Variants in FHIP1A observed in about 807,000 individuals in gnomAD.
FHIP1A encodes FHF complex subunit HOOK-interacting protein 1A.
FHIP1A carries 61 observed loss-of-function variants against 88.6 expected under a neutral mutation model. The observed-to-expected ratio is 0.69, with a 90% CI of 0.56 to 0.85. The LOEUF (loss-of-function observed/expected upper bound fraction) is 0.85, where lower values mean the gene tolerates loss of function less well. Ranked by LOEUF, FHIP1A falls within the 40% of genes least tolerant of loss-of-function variation. The probability of loss-of-function intolerance (pLI) is 0.00; values close to 1 mark genes in which losing one functional copy is unlikely to be tolerated. For synonymous variants in FHIP1A, 478 were observed against 496.0 expected, an observed-to-expected ratio of 0.96 and a Z score of 0.48; for missense variants, 1,154 against 1,273.5, an observed-to-expected ratio of 0.91 and a Z score of 1.43.
intron 3 of FHIP1A, among the ~76,000 whole-genome samples, chr4:151,537,120 C>T (rs916217597): frequency 2.0e-5 from 3 of 152,040 alleles, no homozygotes; most frequent in Non-Finnish European, 2.9e-5. Context: ...TTATGTGATC[C>T]TCCCTCCTCA....
intron 3 of FHIP1A, among the ~76,000 whole-genome samples, chr4:151,551,487 T>C (rs983893151): frequency 6.6e-6 from 1 of 152,094 alleles, no homozygotes; most frequent in Non-Finnish European, 1.5e-5. Context: ...AAAACAGAGA[T>C]ATAGACCAAT....
rs1737715494 is a variant in FHIP1A at position 151,667,721 on chromosome 4, G to A, written c.*4967G>A. 6.6e-6 allele frequency among the ~76,000 whole-genome samples: 1 copy of A among 152,048 alleles called. No individual in the cohort carries two copies. Among genetic ancestry groups the A allele is most frequent in the Non-Finnish European group, 1.5e-5 (1 of 68,010 alleles). On this transcript the variant is annotated 3_prime_UTR_variant, in exon 14 of 14. Coordinates refer to ENST00000435205, the MANE Select transcript of FHIP1A (RefSeq NM_001109977.3). ...AGGACTGACCTTTCCTAGCTTGTAG[G>A]GTCACTGTGAATTTTGTTCATGTCT...
In FHIP1A at chr4:151,583,681, T is replaced by G. The variant is rs146284120; in HGVS notation, c.733-2960T>G. Among the ~76,000 whole-genome samples, 150 of 152,330 alleles carry G rather than the reference T, an allele frequency of 9.8e-4. 2 individuals carry two copies. The highest frequency in any genetic ancestry group is 1.0e-4 in the Non-Finnish European group (7 of 68,020). ...GTTAAGAATTCAGGAGTATGCAGAATTAAAGCCTTTGTTCTGTGGTTAATT... is the reference window on the plus strand; with the variant it reads ...GTTAAGAATTCAGGAGTATGCAGAAGTAAAGCCTTTGTTCTGTGGTTAATT... On this transcript the variant is annotated intron_variant, in intron 5 of 13. Transcript: ENST00000435205.
chr4:151,443,115 T>G (rs956681730), intron 1 of FHIP1A, among the ~76,000 whole-genome samples: 1 of 151,788 alleles, frequency 6.6e-6, no homozygotes, highest in Non-Finnish European at 1.5e-5. Flanking sequence ...TACAAAAAAT[T>G]GGTATAAAAA....
chr4:151,589,426 A>G (rs1022156087), intron 7 of FHIP1A, among the ~76,000 whole-genome samples: 6 of 135,920 alleles, frequency 4.4e-5, no homozygotes, highest in Admixed American at 1.5e-4. Flanking sequence ...TGGCTGTCTC[A>G]TTAGCACAAC....
chr4:151,540,722 C>T (rs1157072767), intron 3 of FHIP1A, among the ~76,000 whole-genome samples: 1 of 152,108 alleles, frequency 6.6e-6, no homozygotes, highest in Non-Finnish European at 1.5e-5. Context: ...GCTTATATGG[C>T]CAAATCTTTG....
intron 2 of FHIP1A, among the ~76,000 whole-genome samples, chr4:151,470,905 A>T (rs1397987852): frequency 6.6e-6 from 1 of 152,032 alleles, no homozygotes; most frequent in Non-Finnish European, 1.5e-5. Context: ...TTGCTCCAGG[A>T]TTTTAATTTG....
rs181797978 is a variant in FHIP1A, at chr4:151,498,356, G to A, written c.-123+15708G>A. Among the ~76,000 whole-genome samples, 78 of 152,274 alleles carry A rather than the reference G, an allele frequency of 5.1e-4. No individual in the cohort carries two copies. The East Asian group carries it at 0.013, about 26-fold the overall frequency. On this transcript the variant is annotated intron_variant, in intron 3 of 13. Transcript: ENST00000435205. The stretch of plus-strand genomic sequence containing the variant: ...CTGGGGTTCCAGTGTTAGGGAAGGG[G>A]AACTGACCAACACAAACATGTAATA...
chr4:151,597,003 C>T (rs894331776), intron 7 of FHIP1A, among the ~76,000 whole-genome samples: 1 of 152,030 alleles, frequency 6.6e-6, no homozygotes, highest in African/African-American at 2.4e-5. Context: ...TTGTTATTAC[C>T]CACCTTCTGA....
chr4:151,469,256 TATAC>T (rs1156826730), intron 2 of FHIP1A, among the ~76,000 whole-genome samples: 2 of 152,230 alleles, frequency 1.3e-5, no homozygotes, highest in Non-Finnish European at 2.9e-5. Context: ...GGCGTTACTG[TATAC>T]ATTAAGTCAA....
intron 7 of FHIP1A, among the ~76,000 whole-genome samples, chr4:151,594,144 G>A (rs1258160667): frequency 1.3e-5 from 2 of 152,116 alleles, no homozygotes; most frequent in Non-Finnish European, 2.9e-5. Context: ...TTTTTGATGT[G>A]CTCCTGGATT....
rs146893952 is a variant in FHIP1A at position 151,487,364 on chromosome 4, A to G, written c.-123+4716A>G. Reference sequence around the variant, plus strand: ...ATCCCTTGGATTTAGGAAATTTCCAAGCTTTTTCTTCTTTCCACATCTCAC... The same window carrying G: ...ATCCCTTGGATTTAGGAAATTTCCAGGCTTTTTCTTCTTTCCACATCTCAC... On this transcript the variant is annotated intron_variant, in intron 3 of 13. Transcript: ENST00000435205. 6.8e-4 allele frequency among the ~76,000 whole-genome samples: 104 copies of G among 151,986 alleles called. 1 individual carries two copies. The East Asian group carries it at 0.017, about 25-fold the overall frequency.
At chr4:151,436,035 T>C (rs1012954402) in intron 1 of FHIP1A, among the ~76,000 whole-genome samples, 1 of 152,162 alleles carries the variant, frequency 6.6e-6, no homozygotes, top group East Asian at 1.9e-4. Flanking sequence ...CACATTGATG[T>C]TTACTTATTT....
At chr4:151,493,233 T>C (rs1032707322) in intron 3 of FHIP1A, among the ~76,000 whole-genome samples, 3 of 151,982 alleles carry the variant, frequency 2.0e-5, no homozygotes, top group African/African-American at 7.2e-5. Flanking sequence ...CTGGAGGAAA[T>C]GGATAAATTC....
chr4:151,488,235 G>A (rs2126643220), intron 3 of FHIP1A, among the ~76,000 whole-genome samples: 1 of 152,254 alleles, frequency 6.6e-6, no homozygotes, highest in South Asian at 2.1e-4. Flanking sequence ...GGTATATTGT[G>A]TGATGCTGAG....
chr4:151,638,539 A>G (rs1736450037), intron 8 of FHIP1A, 138 bp from the exon 9 acceptor site: 4 of 531,910 alleles, frequency 7.5e-6, no homozygotes. Flanking sequence ...TCTCCCTGGC[A>G]GCAGCATGCT....
At chr4:151,657,131 G>GT (rs1737274646) in intron 13 of FHIP1A, among the ~76,000 whole-genome samples, 1 of 152,138 alleles carries the variant, frequency 6.6e-6, no homozygotes, top group Non-Finnish European at 1.5e-5. Flanking sequence ...AGGGGATTTT[G>GT]TTTTTTTAAC....
intron 3 of FHIP1A, among the ~76,000 whole-genome samples, chr4:151,554,174 G>C (rs933861468): frequency 2.0e-5 from 3 of 152,144 alleles, no homozygotes; most frequent in African/African-American, 7.2e-5. Context: ...CTCAGTGGGT[G>C]GTTGTAAGAA....
intron 1 of FHIP1A, among the ~76,000 whole-genome samples, chr4:151,453,024 G>T (rs1580583197): frequency 6.9e-6 from 1 of 145,030 alleles, no homozygotes. Flanking sequence ...GGACATAGTT[G>T]TTTTTTTTTT....
Sources: gnomAD v4.1 joint callset for allele counts (sites outside exome capture counted in the v4.1 genomes callset) on GRCh38, gnomAD v4.1.1 for gene constraint, MANE v1.5 for transcripts, NCBI Gene and HGNC (gene_info 2026-07-23, HGNC 2026-07-21) for gene names.